LAMA2: variants seen among roughly 807,000 people sequenced by gnomAD.
The protein encoded by LAMA2 is laminin subunit alpha 2, also known as laminin subunit alpha-2.
In LAMA2, 269 loss-of-function variants were observed where a neutral mutation model predicts 364.8. The observed-to-expected ratio is 0.74, with a 90% CI of 0.67 to 0.82. The LOEUF (loss-of-function observed/expected upper bound fraction) is 0.82. Ranked by LOEUF, LAMA2 falls within the 40% of genes least tolerant of loss-of-function variation. The probability of loss-of-function intolerance (pLI) is 0.00; values close to 1 mark genes in which losing one functional copy is unlikely to be tolerated. For missense variants in LAMA2, 3,807 were observed against 3,873.2 expected (o/e 0.98, Z 0.45); for synonymous variants, 1,379 against 1,370.6 (o/e 1.01, Z -0.14).
intron 41 of LAMA2, among the ~76,000 whole-genome samples, chr6:129,434,098 C>G (rs1192921114): frequency 6.6e-6 from 1 of 152,160 alleles, no homozygotes; most frequent in Non-Finnish European, 1.5e-5. Flanking sequence ...ATAGTTAGTT[C>G]TAATATAACT....
intron 1 of LAMA2, among the ~76,000 whole-genome samples, chr6:129,009,054 T>C (rs929641849): frequency 6.6e-6 from 1 of 152,180 alleles, no homozygotes; most frequent in African/African-American, 2.4e-5. Flanking sequence ...AACATATCAA[T>C]ATCTCAAGTA....
chr6:129,207,994 T>A (rs1782795530), intron 12 of LAMA2, among the ~76,000 whole-genome samples: 1 of 152,160 alleles, frequency 6.6e-6, no homozygotes, highest in Admixed American at 6.5e-5. Context: ...ATATAATAGT[T>A]TTGGATTTGT....
At chr6:129,302,251 CATTT>C (rs1163891805) in intron 22 of LAMA2, among the ~76,000 whole-genome samples, 3 of 152,048 alleles carry the variant, frequency 2.0e-5, no homozygotes, top group African/African-American at 7.2e-5. Flanking sequence ...CTCTTGTTTG[CATTT>C]ATTTAATGCC....
At chr6:128,886,827 G>C (rs1445283385) in intron 1 of LAMA2, among the ~76,000 whole-genome samples, 1 of 152,134 alleles carries the variant, frequency 6.6e-6, no homozygotes, top group Admixed American at 6.6e-5. Flanking sequence ...TAGCTGAATT[G>C]TGTTTGAGCA....
chr6:129,217,335 G>A (rs1480713795), intron 12 of LAMA2, among the ~76,000 whole-genome samples: 1 of 152,166 alleles, frequency 6.6e-6, no homozygotes, highest in Non-Finnish European at 1.5e-5. Flanking sequence ...ATGTCTATTA[G>A]ATGTGTAATT....
At chr6:129,010,707 C>T (rs560903012) in intron 1 of LAMA2, among the ~76,000 whole-genome samples, 24 of 152,246 alleles carry the variant, frequency 1.6e-4, no homozygotes, top group Middle Eastern at 3.4e-3. Flanking sequence ...TATTATTTGT[C>T]GTGGTAACAC....
At chr6:129,030,675 G>A (rs1359422234) in intron 1 of LAMA2, among the ~76,000 whole-genome samples, 2 of 152,048 alleles carry the variant, frequency 1.3e-5, no homozygotes, top group Admixed American at 1.3e-4. Context: ...GACAAAGAAA[G>A]GCTTATGGTT....
At chr6:129,489,101 T>TTA (rs755439326) in intron 56 of LAMA2, among the ~76,000 whole-genome samples, 1 of 152,308 alleles carries the variant, frequency 6.6e-6, no homozygotes, top group South Asian at 2.1e-4. Flanking sequence ...CCATAAAGGT[T>TTA]TATATTACTA....
At position 128,998,406 on chromosome 6, in the gene LAMA2, C is replaced by T. The variant is rs1047582248; in HGVS notation, c.113-51512C>T. 2.7e-4 allele frequency among the ~76,000 whole-genome samples: 19 copies of T among 69,188 alleles called. 3 individuals are homozygous for T. The highest frequency in any genetic ancestry group is 2.0e-3 in the Admixed American group (18 of 8,894). 45.4% of individuals were successfully genotyped at this position (69,188 alleles called of 152,430 possible). ...TGACAGGGGGAGGAGCCAAGATGGC[C>T]GAATAGGAACAGCTCCGCTCTACAG... is the stretch of plus-strand genomic sequence containing the variant. On this transcript the variant is annotated intron_variant, in intron 1 of 64. Transcript: ENST00000421865.
chr6:129,159,427 C>G (rs1280865386), intron 8 of LAMA2, among the ~76,000 whole-genome samples: 4 of 152,184 alleles, frequency 2.6e-5, no homozygotes, highest in African/African-American at 9.6e-5. Context: ...GCCAGCGTGC[C>G]GAGGCGCAGG....
At chr6:129,422,164 C>A (rs1408236261) in intron 40 of LAMA2, among the ~76,000 whole-genome samples, 5 of 152,166 alleles carry the variant, frequency 3.3e-5, no homozygotes, top group Middle Eastern at 3.4e-3. Flanking sequence ...TGCCTCCCTG[C>A]CTTTCCTTAT....
At chr6:129,428,483 C>T (rs1370646620) in intron 41 of LAMA2, among the ~76,000 whole-genome samples, 1 of 152,168 alleles carries the variant, frequency 6.6e-6, no homozygotes, top group Admixed American at 6.5e-5. Context: ...GAGATGAAGT[C>T]TCGCTCTGTC....
intron 4 of LAMA2, among the ~76,000 whole-genome samples, 191 bp from the exon 5 acceptor site, chr6:129,143,710 T>C (rs1332718129): frequency 6.6e-6 from 1 of 151,992 alleles, no homozygotes; most frequent in East Asian, 1.9e-4. Flanking sequence ...ACAAATTGCA[T>C]GTACATGTAT....
chr6:129,089,910 G>T (rs775196833), intron 3 of LAMA2, among the ~76,000 whole-genome samples: 1 of 152,190 alleles, frequency 6.6e-6, no homozygotes, highest in African/African-American at 2.4e-5. Context: ...ACCCTTTAGA[G>T]CTGATAATTA....
chr6:129,214,953 G>A (rs1048181521), intron 12 of LAMA2, among the ~76,000 whole-genome samples: 5 of 152,052 alleles, frequency 3.3e-5, no homozygotes, highest in African/African-American at 4.8e-5. Context: ...TTCTTTCACT[G>A]GAGTTTTATA....
chr6:129,046,839 C>G (rs1787545231), intron 1 of LAMA2, among the ~76,000 whole-genome samples: 1 of 152,148 alleles, frequency 6.6e-6, no homozygotes, highest in South Asian at 2.1e-4. Context: ...TTTTCCCTAA[C>G]AGATAAACTT....
intron 1 of LAMA2, among the ~76,000 whole-genome samples, chr6:128,997,667 T>G (rs1019229312): frequency 3.3e-5 from 5 of 152,012 alleles, no homozygotes; most frequent in Non-Finnish European, 5.9e-5. Context: ...TGGTGGCACA[T>G]GCCTATACTC....
In LAMA2 at chr6:128,912,234, A is replaced by G. The variant is rs146797529; in HGVS notation, c.112+28877A>G. On this transcript the variant is annotated intron_variant, in intron 1 of 64. Transcript: ENST00000421865. Reference sequence around the variant, plus strand: ...GACAAATTGTTTTCTAAATGAAGGCATGATCTTAGTCTAGTAATGTTTATT... The same window carrying G: ...GACAAATTGTTTTCTAAATGAAGGCGTGATCTTAGTCTAGTAATGTTTATT... Among the ~76,000 whole-genome samples the G allele has an allele frequency of 2.3e-4, 35 of 152,334 alleles. 1 individual carries two copies. The East Asian group carries it at 6.6e-3, about 29-fold the overall frequency.
chr6:128,883,674 T>C (rs997234504), intron 1 of LAMA2, among the ~76,000 whole-genome samples: 1 of 151,822 alleles, frequency 6.6e-6, no homozygotes, highest in Non-Finnish European at 1.5e-5. Flanking sequence ...TTTTTCCAAT[T>C]GGAAAAAAAA....
Sources: allele counts gnomAD v4.1 joint callset (sites outside exome capture counted in the v4.1 genomes callset), GRCh38; gene constraint gnomAD v4.1.1; transcripts MANE v1.5; gene names NCBI Gene and HGNC (gene_info 2026-07-23, HGNC 2026-07-21).